Variants in ELAC2 observed in about 807,000 individuals in gnomAD.
ELAC2 encodes elaC ribonuclease Z 2.
In ELAC2, 92 loss-of-function variants were observed where a neutral mutation model predicts 105.2. The observed-to-expected ratio is 0.87, with a 90% CI of 0.74 to 1.04. ELAC2 has a LOEUF of 1.04. ELAC2 is among the 50% of genes least tolerant of loss of function. The pLI, the probability that ELAC2 is intolerant of heterozygous loss-of-function variation, is 0.00. For missense variants in ELAC2, 1,099 were observed against 1,071.7 expected, an observed-to-expected ratio of 1.03 and a Z score of -0.36; for synonymous variants, 468 against 409.1, an observed-to-expected ratio of 1.14 and a Z score of -1.74.
In ELAC2 at chr17:13,013,246, C is replaced by T. The variant is rs374954001; in HGVS notation, c.520G>A (p.Glu174Lys). 308 of 1,614,142 alleles carry T rather than the reference C, an allele frequency of 1.9e-4. 1 individual carries two copies. In the East Asian group the frequency reaches 5.8e-3, roughly 30 times the overall value. Residue 174 changes from glutamate to lysine, a missense_variant, in exon 6 of 24, where the codon GAG becomes AAG. Glu to Lys is a moderately conservative substitution (Grantham distance 56). Transcript: ENST00000338034. ...AVRPHSAPEY[E>K]DETMTVYQIP... ...TGGTAAACTGTCATGGTTTCATCCT[C>T]GTATTCTGGGGCAGAGTGGGGCCGC... is the stretch of plus-strand genomic sequence containing the variant.
At chr17:12,998,331 G>A (rs1018249087) in intron 16 of ELAC2, 81 bp downstream of exon 16, 16 of 1,339,496 alleles carry the variant, frequency 1.2e-5, no homozygotes, top group South Asian at 2.4e-5. Flanking sequence ...ATTTCAAATC[G>A]ACTGGTGAGT....
rs909712041 is a variant in ELAC2, at chr17:12,998,405, A to G, written c.1520+7T>C. The G allele has an allele frequency of 1.9e-6, 3 of 1,613,754 alleles. No individual in the cohort carries two copies. Among genetic ancestry groups the G allele is most frequent in the Non-Finnish European group, 2.5e-6 (3 of 1,179,592 alleles). ...ATGGAAGGATGCTTCCTGGGAAAGC[A>G]GCATACCTTATGTTGACAAGTGTGG... On this transcript the variant is annotated splice_region_variant and intron_variant, in intron 16 of 23. Transcript: ENST00000338034.
intron 4 of ELAC2, among the ~76,000 whole-genome samples, chr17:13,015,132 T>C (rs1009872658): frequency 1.3e-5 from 2 of 152,208 alleles, no homozygotes; most frequent in African/African-American, 4.8e-5. Flanking sequence ...CTTTTCTGTC[T>C]TGAAGTGACC....
Position 12,995,470 on chromosome 17 carries a change from C to G in ELAC2, c.1808+233G>C, listed in dbSNP as rs2286340. Among the ~76,000 whole-genome samples the G allele has an allele frequency of 0.26, 40,006 of 152,252 alleles. 5,571 individuals carry two copies. The highest frequency in any genetic ancestry group is 0.32 in the Middle Eastern group (93 of 294). On this transcript the variant is annotated intron_variant, in intron 19 of 23. Coordinates refer to ENST00000338034, the MANE Select transcript of ELAC2 (RefSeq NM_018127.7). ...TCGAAGTTTAGAAAGCAGCTCAGAA[C>G]TCAAATGAGGACTGGGAAGAAATGC...
chr17:13,012,170 C>G (rs1371958396), intron 6 of ELAC2, among the ~76,000 whole-genome samples: 2 of 152,168 alleles, frequency 1.3e-5, no homozygotes, highest in African/African-American at 4.8e-5. Flanking sequence ...AAATTCGCTG[C>G]TCTAAGAAGC....
At position 13,000,067 on chromosome 17, in the gene ELAC2, C is replaced by A. The variant is rs913164135; in HGVS notation, c.1423+89G>T. On this transcript the variant is annotated intron_variant, in intron 15 of 23. Coordinates refer to ENST00000338034, the MANE Select transcript of ELAC2 (RefSeq NM_018127.7). ...TAGACTGAAAAGCCAGGTTAGAATG[C>A]GCCCCACCAGCACTCCACTTAATGC... 1.2e-5 allele frequency: 15 copies of A among 1,206,090 alleles called. No homozygotes were observed. The African/African-American group carries it at 2.1e-4, about 17-fold the overall frequency. The allele number at this position is 1,206,090 out of a possible 1,614,324, so 74.7% of individuals were successfully genotyped here. A position where few individuals can be genotyped will look rare whatever the true frequency, so the allele number is the denominator to read the frequency against.
chr17:13,003,744 G>A, intron 11 of ELAC2, 170 bp from the exon 12 acceptor site: 1 of 636,870 alleles, frequency 1.6e-6, no homozygotes. Context: ...GCAGACCCCG[G>A]TGCTGGGCCA....
chr17:12,998,330 C>T (rs749004389), intron 16 of ELAC2, 82 bp downstream of exon 16: 55 of 1,335,718 alleles, frequency 4.1e-5, no homozygotes, highest in Non-Finnish European at 5.3e-5. Context: ...CATTTCAAAT[C>T]GACTGGTGAG....
Position 13,003,590 on chromosome 17 carries a change from G to C in ELAC2, c.984-16C>G. 6.2e-7 allele frequency: 1 copy of C among 1,612,042 alleles called. No individual in the cohort carries two copies. The highest frequency in any genetic ancestry group is 8.5e-7 in the Non-Finnish European group (1 of 1,178,130). ...TCCTTGGTACCTGGGCAGAAGAGTG[G>C]GGCTTTACAAAGTGATGCAGACTCA... On this transcript the variant is annotated splice_polypyrimidine_tract_variant and intron_variant, in intron 11 of 23. Transcript: ENST00000338034.
chr17:13,005,685 A>C (rs745383586), intron 10 of ELAC2, 68 bp downstream of exon 10: 194 of 1,542,206 alleles, frequency 1.3e-4, no homozygotes, highest in Non-Finnish European at 1.0e-4. Context: ...GGCCTGAAGA[A>C]GACAGACTCT....
intron 8 of ELAC2, among the ~76,000 whole-genome samples, chr17:13,007,583 A>C (rs376478426): frequency 3.5e-4 from 53 of 152,244 alleles, no homozygotes; most frequent in African/African-American, 1.2e-3. Flanking sequence ...TCTAATGTTT[A>C]AAAGGTACTT....
At chr17:13,011,519 C>A in intron 7 of ELAC2, 144 bp downstream of exon 7, 3 of 1,384,490 alleles carry the variant, frequency 2.2e-6, no homozygotes, top group Non-Finnish European at 3.0e-6. Context: ...ATTCCCCCAA[C>A]GGGCCAAGTT....
chr17:13,016,769 T>G (rs1036050287), intron 3 of ELAC2, 93 bp downstream of exon 3: 98 of 991,448 alleles, frequency 9.9e-5, no homozygotes, highest in Non-Finnish European at 1.2e-4. Context: ...AAAAAAAAAG[T>G]AGCTGCCCAC....
In ELAC2 at chr17:12,995,813, C is replaced by T. The variant is rs200727566; in HGVS notation, c.1699-1G>A. 3 of 1,608,694 alleles carry T rather than the reference C, an allele frequency of 1.9e-6. No individual in the cohort carries two copies. Among genetic ancestry groups the T allele is most frequent in the Non-Finnish European group, 2.5e-6 (3 of 1,177,638 alleles). ...GGTGAAGCGGCTTTCCCAAAGATGCCTGGAACAAAAAATGCAAGTGCCGAC... is the reference window on the plus strand; with the variant it reads ...GGTGAAGCGGCTTTCCCAAAGATGCTTGGAACAAAAAATGCAAGTGCCGAC... On this transcript the variant is annotated splice_acceptor_variant, in intron 18 of 23. Coordinates refer to ENST00000338034, the MANE Select transcript of ELAC2 (RefSeq NM_018127.7). LOFTEE classifies it high-confidence loss of function.
intron 16 of ELAC2, 115 bp from the exon 17 acceptor site, chr17:12,996,800 C>T: frequency 7.0e-7 from 1 of 1,437,946 alleles, no homozygotes; most frequent in South Asian, 1.2e-5. Flanking sequence ...TCTGTCTCTC[C>T]TGCTTTGCTT....
At chr17:12,998,594 G>T in intron 15 of ELAC2, 86 bp from the exon 16 acceptor site, 2 of 1,271,200 alleles carry the variant, frequency 1.6e-6, no homozygotes, top group Non-Finnish European at 2.3e-6. Flanking sequence ...AATGGTTTGA[G>T]TGTCATTGGT....
At chr17:13,006,346 G>A in intron 8 of ELAC2, 1 of 235,386 alleles carries the variant, frequency 4.2e-6, no homozygotes, top group East Asian at 9.7e-5. Flanking sequence ...TCCAGCCTAG[G>A]CAACAAAAGC....
At chr17:12,994,733 C>T (rs771434310) in intron 21 of ELAC2, 31 bp downstream of exon 21, 1 of 1,613,608 alleles carries the variant, frequency 6.2e-7, no homozygotes, top group South Asian at 1.1e-5. Context: ...CCAGAGCAAC[C>T]TCAGGGTGGC....
rs896390510 is a variant in ELAC2 at position 12,992,412 on chromosome 17, C to T, written c.*406G>A. On this transcript the variant is annotated 3_prime_UTR_variant, in exon 24 of 24. Coordinates refer to ENST00000338034, the MANE Select transcript of ELAC2 (RefSeq NM_018127.7). ...ACAATTGCAAACTCAATCTTTATTG[C>T]AGCTGAAATACTATTTTCGTTAAGT... is the stretch of plus-strand genomic sequence containing the variant. 3.0e-5 allele frequency: 11 copies of T among 364,584 alleles called. No homozygotes were observed. The highest frequency in any genetic ancestry group is 4.1e-5 in the Non-Finnish European group (8 of 195,246). The allele number at this position is 364,584 out of a possible 1,614,324, so 22.6% of individuals were successfully genotyped here.
Sources: gnomAD v4.1 joint callset for allele counts (sites outside exome capture counted in the v4.1 genomes callset) on GRCh38, gnomAD v4.1.1 for gene constraint, MANE v1.5 for transcripts, NCBI Gene and HGNC (gene_info 2026-07-23, HGNC 2026-07-21) for gene names.